Variants in XRRA1 observed in about 807,000 individuals in gnomAD.
The protein encoded by XRRA1 is X-ray radiation resistance associated 1.
In XRRA1, 69 loss-of-function variants were observed where a neutral mutation model predicts 80.2. The ratio of observed to expected loss-of-function variants is 0.86; its 90% CI spans 0.71 to 1.05. XRRA1 has a LOEUF of 1.05. Ranked by LOEUF, XRRA1 falls within the 50% of genes least tolerant of loss-of-function variation. The pLI, the probability that XRRA1 is intolerant of heterozygous loss-of-function variation, is 0.00. For synonymous variants in XRRA1, 348 were observed against 389.9 expected, an observed-to-expected ratio of 0.89 and a Z score of 1.27; for missense variants, 967 against 976.4, an observed-to-expected ratio of 0.99 and a Z score of 0.13.
At chr11:74,933,907 C>G in intron 4 of XRRA1, 35 bp from the exon 5 acceptor site, 1 of 1,571,402 alleles carries the variant, frequency 6.4e-7, no homozygotes, top group Non-Finnish European at 8.7e-7. Context: ...CTCTTAAGGC[C>G]CCTACAAAGT....
At chr11:74,911,922 C>T (rs2055995755) in intron 8 of XRRA1, among the ~76,000 whole-genome samples, 1 of 152,176 alleles carries the variant, frequency 6.6e-6, no homozygotes, top group South Asian at 2.1e-4. Flanking sequence ...GGAGTTTAAT[C>T]AGAGACCCTT....
rs188777279 is a variant in XRRA1 at position 74,946,191 on chromosome 11, A to C, written c.-72-1106T>G. Among the ~76,000 whole-genome samples, 6 of 151,828 alleles carry C rather than the reference A, an allele frequency of 4.0e-5. No individual in the cohort carries two copies. The East Asian group carries it at 1.2e-3, about 30-fold the overall frequency. ...TTGCCCAGGCTGCCTCAAACTCCCA[A>C]CTCAGCCTCTCAAAGTGTTGGGATT... On this transcript the variant is annotated intron_variant, in intron 1 of 18. Coordinates refer to ENST00000684022, the MANE Select transcript of XRRA1 (RefSeq NM_001378157.1).
chr11:74,939,335 G>C (rs1565452974), intron 3 of XRRA1, among the ~76,000 whole-genome samples: 2 of 152,188 alleles, frequency 1.3e-5, no homozygotes, highest in East Asian at 1.9e-4. Context: ...CTGGGCAACA[G>C]AGAGAGACTC....
chr11:74,875,371 TC>T (rs2045815764), intron 10 of XRRA1, among the ~76,000 whole-genome samples: 1 of 152,104 alleles, frequency 6.6e-6, no homozygotes, highest in East Asian at 1.9e-4. Context: ...GTGGGCCACT[TC>T]TCAAGGGTAT....
intron 8 of XRRA1, among the ~76,000 whole-genome samples, chr11:74,914,708 C>CTTT (rs67132744): frequency 7.3e-6 from 1 of 137,794 alleles, no homozygotes; most frequent in African/African-American, 2.7e-5. Flanking sequence ...TGCAGATAAC[C>CTTT]TTTTTTTTTT....
In XRRA1 at chr11:74,845,491, A is replaced by G. The variant is rs145435868; in HGVS notation, c.1729-220T>C. ...TTGGGTGATCCCAGAGGAAGCCCCA[A>G]CCTAGCCAAGAAGCTCCCTTGGAGG... On this transcript the variant is annotated intron_variant, in intron 15 of 18. Coordinates refer to ENST00000684022, the MANE Select transcript of XRRA1 (RefSeq NM_001378157.1). 1.6e-4 allele frequency among the ~76,000 whole-genome samples: 24 copies of G among 152,314 alleles called. No homozygotes were observed. The East Asian group carries it at 3.3e-3, about 21-fold the overall frequency.
chr11:74,913,545 C>G (rs2056343064), intron 8 of XRRA1: 1 of 152,196 alleles, frequency 6.6e-6, no homozygotes, highest in Non-Finnish European at 1.5e-5. Context: ...AGCTAAGGAC[C>G]TATCAAATGT....
intron 7 of XRRA1, among the ~76,000 whole-genome samples, chr11:74,925,615 G>A (rs767173755): frequency 3.3e-5 from 5 of 151,860 alleles, no homozygotes; most frequent in Non-Finnish European, 5.9e-5. Context: ...GTTCTCTTAC[G>A]TAAATACCCT....
intron 8 of XRRA1, among the ~76,000 whole-genome samples, chr11:74,915,682 C>G (rs1938415715): frequency 6.6e-6 from 1 of 152,078 alleles, no homozygotes; most frequent in African/African-American, 2.4e-5. Flanking sequence ...CCACAATGTT[C>G]TACAAGTGGA....
intron 10 of XRRA1, among the ~76,000 whole-genome samples, chr11:74,878,861 C>A (rs1218969920): frequency 1.3e-5 from 2 of 151,864 alleles, no homozygotes; most frequent in Admixed American, 1.3e-4. Context: ...GTTTTGGTTA[C>A]TGTAGCCTTA....
rs1403743658 is a variant in XRRA1, at chr11:74,949,056, C to T, written c.-201G>A. 2 of 441,026 alleles carry T rather than the reference C, an allele frequency of 4.5e-6. No homozygotes were observed. Among genetic ancestry groups the T allele is most frequent in the African/African-American group, 4.1e-5 (2 of 48,860 alleles). The allele number at this position is 441,026 out of a possible 1,614,324, so 27.3% of individuals were successfully genotyped here. ...ACTGCGGTGCCTGCCGCTATCTTCC[C>T]CACGCCTTAGTAACTGCGACGCGAC... On this transcript the variant is annotated 5_prime_UTR_variant, in exon 1 of 19. Transcript: ENST00000684022.
chr11:74,890,245 A>G (rs570729384), intron 10 of XRRA1, among the ~76,000 whole-genome samples: 2 of 152,210 alleles, frequency 1.3e-5, no homozygotes, highest in South Asian at 2.1e-4. Flanking sequence ...GGATTAAGAA[A>G]CTCACTCAAA....
chr11:74,862,347 A>T (rs2042480959), intron 11 of XRRA1, among the ~76,000 whole-genome samples: 1 of 152,214 alleles, frequency 6.6e-6, no homozygotes, highest in Non-Finnish European at 1.5e-5. Flanking sequence ...TAACTGATAG[A>T]ATTTCTCACA....
At chr11:74,893,692 T>C (rs942890092) in intron 10 of XRRA1, among the ~76,000 whole-genome samples, 1 of 151,640 alleles carries the variant, frequency 6.6e-6, no homozygotes, top group Non-Finnish European at 1.5e-5. Flanking sequence ...TAATGAGATA[T>C]TAATATCATG....
intron 6 of XRRA1, 60 bp from the exon 7 acceptor site, chr11:74,927,548 T>G: frequency 8.6e-7 from 1 of 1,161,606 alleles, no homozygotes; most frequent in Non-Finnish European, 1.3e-6. Context: ...AGAAAGATAT[T>G]AATAATTACC....
At chr11:74,914,602 C>T (rs1210826666) in intron 8 of XRRA1, among the ~76,000 whole-genome samples, 2 of 152,020 alleles carry the variant, frequency 1.3e-5, no homozygotes, top group Non-Finnish European at 2.9e-5. Flanking sequence ...CATATATGTC[C>T]TGGTTTGGAT....
chr11:74,905,080 G>A (rs1180199227), intron 10 of XRRA1, among the ~76,000 whole-genome samples: 5 of 152,142 alleles, frequency 3.3e-5, no homozygotes, highest in Admixed American at 6.5e-5. Flanking sequence ...GTAGAGACAG[G>A]GTCTCACTCT....
At chr11:74,913,713 C>T (rs1218229683) in intron 8 of XRRA1, 1 of 152,146 alleles carries the variant, frequency 6.6e-6, no homozygotes, top group Admixed American at 6.6e-5. Context: ...ACTGACTGGA[C>T]CTGGCGAGCA....
At chr11:74,860,544 C>CT (rs1042747084) in intron 11 of XRRA1, among the ~76,000 whole-genome samples, 7 of 152,344 alleles carry the variant, frequency 4.6e-5, no homozygotes, top group Non-Finnish European at 1.0e-4. Flanking sequence ...AGTAAGGCCA[C>CT]TAAAAGTCTC....
Sources: gnomAD v4.1 joint callset for allele counts (sites outside exome capture counted in the v4.1 genomes callset) on GRCh38, gnomAD v4.1.1 for gene constraint, MANE v1.5 for transcripts, NCBI Gene and HGNC (gene_info 2026-07-23, HGNC 2026-07-21) for gene names.